ADAMTS17: variants seen among roughly 807,000 people sequenced by gnomAD.
The protein encoded by ADAMTS17 is A disintegrin and metalloproteinase with thrombospondin motifs 17.
In ADAMTS17, 113 loss-of-function variants were observed where a neutral mutation model predicts 141.5. That is an observed-to-expected ratio of 0.80 (90% confidence interval 0.69 to 0.93). ADAMTS17 has a LOEUF of 0.93. ADAMTS17 is among the 40% of genes least tolerant of loss of function. The probability of loss-of-function intolerance (pLI) is 0.00; values close to 1 mark genes in which losing one functional copy is unlikely to be tolerated. For synonymous variants in ADAMTS17, 768 were observed against 630.6 expected, an observed-to-expected ratio of 1.22 and a Z score of -3.27; for missense variants, 1,659 against 1,517.9, an observed-to-expected ratio of 1.09 and a Z score of -1.54.
intron 3 of ADAMTS17, among the ~76,000 whole-genome samples, chr15:100,315,940 A>T (rs2045553032): frequency 6.6e-6 from 1 of 152,224 alleles, no homozygotes; most frequent in African/African-American, 2.4e-5. Flanking sequence ...AGAGCCTAAG[A>T]GGCTCACTTT....
chr15:100,260,614 CA>C (rs5814957), intron 6 of ADAMTS17, among the ~76,000 whole-genome samples: 30,565 of 143,786 alleles, frequency 0.21, 3,476 homozygotes, highest in Non-Finnish European at 0.26. Context: ...GACTCCATCT[CA>C]AAAAAAAAAA....
chr15:100,330,731 T>C (rs776493806), intron 3 of ADAMTS17, among the ~76,000 whole-genome samples, 158 bp downstream of exon 3: 25 of 151,960 alleles, frequency 1.6e-4, no homozygotes, highest in African/African-American at 4.8e-5. Flanking sequence ...CTAAGACACA[T>C]AGAAAGGAAA....
chr15:100,235,411 GGCC>G (rs2042625544), intron 7 of ADAMTS17, among the ~76,000 whole-genome samples: 1 of 151,868 alleles, frequency 6.6e-6, no homozygotes, highest in East Asian at 1.9e-4. Flanking sequence ...ACACACATAC[GGCC>G]AGTAGAGTTG....
chr15:100,264,889 T>A (rs927063636), intron 4 of ADAMTS17, among the ~76,000 whole-genome samples: 1 of 152,160 alleles, frequency 6.6e-6, no homozygotes, highest in Non-Finnish European at 1.5e-5. Context: ...TAGAGATTGA[T>A]TGCACAGCAA....
chr15:100,223,259 C>T (rs974405539), intron 7 of ADAMTS17, among the ~76,000 whole-genome samples: 4 of 152,148 alleles, frequency 2.6e-5, no homozygotes, highest in Admixed American at 6.5e-5. Context: ...TGGGGATGTG[C>T]GCCTGGAGGT....
rs147040846 is a variant in ADAMTS17, at chr15:100,320,201, A to G, written c.616+10688T>C. Among the ~76,000 whole-genome samples the G allele has an allele frequency of 2.6e-3, 403 of 152,296 alleles. 1 individual carries two copies. The highest frequency in any genetic ancestry group is 9.3e-3 in the African/African-American group (388 of 41,566). ...TGGAGACCAAAAACGCAAAAAGATG[A>G]CACAAAACATGGAGGAAAAAATAGT... is the stretch of plus-strand genomic sequence containing the variant. On this transcript the variant is annotated intron_variant, in intron 3 of 21. Coordinates refer to ENST00000268070, the MANE Select transcript of ADAMTS17 (RefSeq NM_139057.4).
intron 4 of ADAMTS17, among the ~76,000 whole-genome samples, chr15:100,275,593 G>A (rs980547708): frequency 2.6e-5 from 4 of 152,154 alleles, no homozygotes; most frequent in African/African-American, 9.7e-5. Flanking sequence ...TCCCGGACTG[G>A]AGTCCTTGCC....
chr15:100,285,992 A>G (rs1373220316), intron 3 of ADAMTS17, among the ~76,000 whole-genome samples: 1 of 152,158 alleles, frequency 6.6e-6, no homozygotes, highest in Non-Finnish European at 1.5e-5. Flanking sequence ...ACCAGCTTCC[A>G]GCACAGCCTT....
intron 3 of ADAMTS17, among the ~76,000 whole-genome samples, chr15:100,322,005 C>G (rs76453397): frequency 7.9e-5 from 12 of 152,112 alleles, no homozygotes; most frequent in Non-Finnish European, 1.2e-4. Context: ...CAATGACATA[C>G]GGAATTCAGT....
At chr15:100,097,435 C>T (rs2141024300) in intron 14 of ADAMTS17, among the ~76,000 whole-genome samples, 1 of 152,334 alleles carries the variant, frequency 6.6e-6, no homozygotes, top group East Asian at 1.9e-4. Flanking sequence ...TTAGCCCCTT[C>T]CCGTGATGCC....
intron 8 of ADAMTS17, among the ~76,000 whole-genome samples, chr15:100,189,774 A>G (rs992364818): frequency 1.3e-5 from 2 of 152,066 alleles, no homozygotes; most frequent in Non-Finnish European, 2.9e-5. Flanking sequence ...AAAAACTACC[A>G]CTGTGGATGC....
At chr15:100,291,917 C>A (rs2044636188) in intron 3 of ADAMTS17, among the ~76,000 whole-genome samples, 1 of 152,196 alleles carries the variant, frequency 6.6e-6, no homozygotes, top group Non-Finnish European at 1.5e-5. Flanking sequence ...TGCACATGTA[C>A]CCCTGAAACT....
At chr15:100,197,308 A>C (rs1165084265) in intron 8 of ADAMTS17, among the ~76,000 whole-genome samples, 1 of 152,154 alleles carries the variant, frequency 6.6e-6, no homozygotes, top group Admixed American at 6.5e-5. Flanking sequence ...ACCTTATTTA[A>C]ATTGACTATT....
chr15:100,201,803 C>T lies in ADAMTS17; in HGVS notation c.1076-2380G>A, dbSNP rs555898557. On this transcript the variant is annotated intron_variant, in intron 7 of 21. Transcript: ENST00000268070. ...CCAGAAAGGATGTGATGTGGTTTCT[C>T]GGTGCCTTCAAGGTCATTATTCTGG... Among the ~76,000 whole-genome samples, 12 of 152,230 alleles carry T rather than the reference C, an allele frequency of 7.9e-5. No homozygotes were observed. The East Asian group carries it at 1.7e-3, about 22-fold the overall frequency.
intron 15 of ADAMTS17, among the ~76,000 whole-genome samples, chr15:100,067,093 C>A (rs529703597): frequency 6.6e-6 from 1 of 152,132 alleles, no homozygotes; most frequent in African/African-American, 2.4e-5. Context: ...CCGCTGTCTT[C>A]CCTTATGATA....
intron 13 of ADAMTS17, among the ~76,000 whole-genome samples, chr15:100,111,231 C>A (rs2036760717): frequency 6.6e-6 from 1 of 152,180 alleles, no homozygotes; most frequent in Non-Finnish European, 1.5e-5. Flanking sequence ...CTTCTGAAGG[C>A]CCCAGTGGGC....
chr15:100,058,222 C>T (rs75025031), intron 15 of ADAMTS17, among the ~76,000 whole-genome samples: 1,313 of 10,632 alleles, frequency 0.12, 303 homozygotes, highest in Middle Eastern at 0.29. Context: ...ATTCCGGCTC[C>T]AACACTCCTA....
At chr15:100,083,662 A>T (rs945957277) in intron 15 of ADAMTS17, among the ~76,000 whole-genome samples, 1 of 151,568 alleles carries the variant, frequency 6.6e-6, no homozygotes, top group Non-Finnish European at 1.5e-5. Flanking sequence ...ATGTTTGGAG[A>T]GACTTCACAA....
chr15:100,191,918 G>A (rs1428281690), intron 8 of ADAMTS17, among the ~76,000 whole-genome samples: 2 of 152,150 alleles, frequency 1.3e-5, no homozygotes, highest in Admixed American at 6.5e-5. Context: ...GCTTGTCAAG[G>A]TGAAGAACCC....
Sources: gnomAD v4.1 joint callset for allele counts (sites outside exome capture counted in the v4.1 genomes callset) on GRCh38, gnomAD v4.1.1 for gene constraint, MANE v1.5 for transcripts, NCBI Gene and HGNC (gene_info 2026-07-23, HGNC 2026-07-21) for gene names.